Variants in ZNF385D observed in about 807,000 individuals in gnomAD.
ZNF385D encodes zinc finger protein 659.
In ZNF385D, 15 loss-of-function variants were observed where a neutral mutation model predicts 35.8. The ratio of observed to expected loss-of-function variants is 0.42; its 90% confidence interval spans 0.28 to 0.64. The LOEUF (loss-of-function observed/expected upper bound fraction) is 0.64. Ranked by LOEUF, ZNF385D falls within the 30% of genes least tolerant of loss-of-function variation. The pLI, the probability that ZNF385D is intolerant of heterozygous loss-of-function variation, is 0.23. For synonymous variants in ZNF385D, 212 were observed against 186.8 expected (o/e 1.13, Z -1.10); for missense variants, 474 against 494.6 (o/e 0.96, Z 0.39).
chr3:21,818,728 T>C (rs1010360824), intron 3 of ZNF385D, among the ~76,000 whole-genome samples: 1 of 152,090 alleles, frequency 6.6e-6, no homozygotes, highest in Non-Finnish European at 1.5e-5. Flanking sequence ...TTAGGTCATA[T>C]GTTGATAATT....
At chr3:21,627,246 GGTGTGTGTGTGTGTGTGTGTGTGTGT>G (rs55918045) in intron 2 of ZNF385D, among the ~76,000 whole-genome samples, 1 of 139,424 alleles carries the variant, frequency 7.2e-6, no homozygotes, top group Non-Finnish European at 1.5e-5. Context: ...AGAGGTGTAG[GGTGTGTGTGTGTGTGTGTGTGTGTGT>G]GTGTGTGTGT....
At chr3:21,689,253 G>A (rs1422306924) in intron 1 of ZNF385D, among the ~76,000 whole-genome samples, 3 of 151,948 alleles carry the variant, frequency 2.0e-5, no homozygotes, top group Non-Finnish European at 4.4e-5. Context: ...AGACCAGAGA[G>A]AAAGAATTTT....
chr3:22,076,580 G>T (rs553535741), intron 3 of ZNF385D, among the ~76,000 whole-genome samples: 1 of 151,746 alleles, frequency 6.6e-6, no homozygotes, highest in South Asian at 2.1e-4. Context: ...GTATCTATTT[G>T]TAATTGTTTA....
intron 3 of ZNF385D, among the ~76,000 whole-genome samples, chr3:22,099,711 C>G (rs933464631): frequency 1.8e-4 from 27 of 151,856 alleles, no homozygotes; most frequent in Admixed American, 1.3e-3. Context: ...GGCGGGGATA[C>G]CAATAGAAGG....
At chr3:21,735,085 G>A (rs944658861) in intron 1 of ZNF385D, among the ~76,000 whole-genome samples, 2 of 150,816 alleles carry the variant, frequency 1.3e-5, no homozygotes, top group Non-Finnish European at 3.0e-5. Flanking sequence ...ACTCTGCCGA[G>A]TGCAGAGATC....
chr3:21,872,038 A>T (rs201393515), intron 3 of ZNF385D, among the ~76,000 whole-genome samples: 21 of 152,208 alleles, frequency 1.4e-4, no homozygotes, highest in East Asian at 7.7e-4. Context: ...AATAATTTTT[A>T]AAAAAAGATT....
intron 3 of ZNF385D, among the ~76,000 whole-genome samples, chr3:21,880,152 A>G (rs1698202371): frequency 6.6e-6 from 1 of 151,932 alleles, no homozygotes; most frequent in Admixed American, 6.6e-5. Context: ...TAAAATGACT[A>G]TAAAAGAATG....
At chr3:22,001,341 G>T (rs1241171877) in intron 3 of ZNF385D, among the ~76,000 whole-genome samples, 1 of 151,618 alleles carries the variant, frequency 6.6e-6, no homozygotes, top group African/African-American at 2.4e-5. Flanking sequence ...GGAGATACTA[G>T]TATCAGATAA....
intron 3 of ZNF385D, among the ~76,000 whole-genome samples, chr3:22,068,468 A>C (rs1390819769): frequency 1.3e-5 from 2 of 151,956 alleles, no homozygotes; most frequent in South Asian, 2.1e-4. Flanking sequence ...CTACTCCCCC[A>C]CACCCCATTT....
chr3:21,559,894 C>G (rs1300685660), intron 3 of ZNF385D, among the ~76,000 whole-genome samples: 1 of 152,054 alleles, frequency 6.6e-6, no homozygotes, highest in Non-Finnish European at 1.5e-5. Flanking sequence ...TGTCTTCACG[C>G]TGTATTTAAG....
intron 7 of ZNF385D, among the ~76,000 whole-genome samples, chr3:21,422,407 A>T (rs1700784500): frequency 6.6e-6 from 1 of 152,206 alleles, no homozygotes; most frequent in South Asian, 2.1e-4. Flanking sequence ...CAGGTTTGTT[A>T]TGTAGGTAAA....
chr3:21,969,210 C>T (rs1299726941), intron 3 of ZNF385D, among the ~76,000 whole-genome samples: 20 of 152,066 alleles, frequency 1.3e-4, no homozygotes, highest in Admixed American at 1.3e-3. Context: ...AATGAAGCAC[C>T]AGGTAGATAC....
intron 4 of ZNF385D, among the ~76,000 whole-genome samples, chr3:21,452,185 G>C (rs1051687707): frequency 6.6e-6 from 1 of 151,822 alleles, no homozygotes; most frequent in African/African-American, 2.4e-5. Context: ...AATTTACCAA[G>C]GTTTCTAGCC....
At chr3:21,735,599 C>T (rs1237306646) in intron 1 of ZNF385D, among the ~76,000 whole-genome samples, 1 of 152,130 alleles carries the variant, frequency 6.6e-6, no homozygotes, top group Admixed American at 6.6e-5. Flanking sequence ...GCTCAATGAA[C>T]AGAGGGGATG....
intron 2 of ZNF385D, among the ~76,000 whole-genome samples, chr3:22,235,547 C>G (rs190080775): frequency 6.6e-6 from 1 of 152,032 alleles, no homozygotes; most frequent in East Asian, 1.9e-4. Context: ...AACTCTTATG[C>G]TAAACAGTGT....
intron 3 of ZNF385D, among the ~76,000 whole-genome samples, chr3:21,970,964 A>G (rs1703216563): frequency 6.6e-6 from 1 of 152,080 alleles, no homozygotes; most frequent in African/African-American, 2.4e-5. Context: ...TACTATATCC[A>G]GTAAAAATGT....
At chr3:21,800,376 A>C (rs1306105921) in intron 3 of ZNF385D, among the ~76,000 whole-genome samples, 2 of 152,202 alleles carry the variant, frequency 1.3e-5, no homozygotes, top group African/African-American at 2.4e-5. Context: ...CCAATCCATT[A>C]ACATGGAATT....
chr3:21,903,932 T>C (rs143610455), intron 3 of ZNF385D, among the ~76,000 whole-genome samples: 1 of 152,148 alleles, frequency 6.6e-6, no homozygotes, highest in Non-Finnish European at 1.5e-5. Flanking sequence ...TTTTTCTTTA[T>C]CAAACCAACC....
chr3:21,463,433 T>C (rs1703310897), intron 4 of ZNF385D, among the ~76,000 whole-genome samples: 1 of 152,186 alleles, frequency 6.6e-6, no homozygotes, highest in African/African-American at 2.4e-5. Flanking sequence ...ATAGAGAGCA[T>C]GCACAGTGGC....
Sources: gnomAD v4.1 joint callset for allele counts (sites outside exome capture counted in the v4.1 genomes callset) on GRCh38, gnomAD v4.1.1 for gene constraint, MANE v1.5 for transcripts, NCBI Gene and HGNC (gene_info 2026-07-23, HGNC 2026-07-21) for gene names.